The following SPIRE2 variants were observed in gnomAD, a reference collection of about 807,000 sequenced individuals.
SPIRE2 encodes spire type actin nucleation factor 2.
Under a neutral mutation model 80.7 loss-of-function variants are expected in SPIRE2, and 76 were observed. That is an observed-to-expected ratio of 0.94 (90% CI 0.78 to 1.14). SPIRE2 has a LOEUF of 1.14. Ranked by LOEUF, SPIRE2 falls within the 50% of genes most tolerant of loss-of-function variation. The pLI, the probability that SPIRE2 is intolerant of heterozygous loss-of-function variation, is 0.00. For missense variants in SPIRE2, 1,196 were observed against 1,015.3 expected (o/e 1.18, Z -2.42); for synonymous variants, 535 against 432.6 (o/e 1.24, Z -2.94).
intron 1 of SPIRE2, among the ~76,000 whole-genome samples, chr16:89,829,513 G>C (rs1040091558): frequency 6.6e-6 from 1 of 152,234 alleles, no homozygotes; most frequent in Non-Finnish European, 1.5e-5. Context: ...TACCCTGCCG[G>C]GGGGCAGAGG....
intron 1 of SPIRE2, among the ~76,000 whole-genome samples, chr16:89,838,401 C>A (rs2049297563): frequency 6.6e-6 from 1 of 152,050 alleles, no homozygotes; most frequent in South Asian, 2.1e-4. Context: ...CCAGGCTGGT[C>A]TTGAACCCCT....
At chr16:89,846,811 T>TC (rs34310111) in intron 2 of SPIRE2, 9 of 15,160 alleles carry the variant, frequency 5.9e-4, no homozygotes, top group African/African-American at 4.7e-3. Flanking sequence ...ACGCCCAGCC[T>TC]TTTTTTTTTT....
rs1240261380 is a variant in SPIRE2 at position 89,854,802 on chromosome 16, T to C, written c.891+151T>C. The C allele has an allele frequency of 6.4e-5, 51 of 795,700 alleles. No homozygotes were observed. The Admixed American group carries it at 1.0e-3, about 16-fold the overall frequency. The allele number at this position is 795,700 out of a possible 1,614,324, so 49.3% of individuals were successfully genotyped here. ...GTGCTGGGTACTGGGTCATAAAATA[T>C]GGATTAGGGAGATGTGGTCCCAATT... is the stretch of plus-strand genomic sequence containing the variant. On this transcript the variant is annotated intron_variant, in intron 5 of 14. Transcript: ENST00000378247.
rs1383865937 is a variant in SPIRE2, at chr16:89,863,725, T to G, written c.1711-69T>G. 44 of 1,602,212 alleles carry G rather than the reference T, an allele frequency of 2.7e-5. No individual in the cohort carries two copies. The highest frequency in any genetic ancestry group is 3.6e-5 in the Non-Finnish European group (42 of 1,169,568). The stretch of plus-strand genomic sequence containing the variant: ...GATCTGGTTGGGAGCCCTGAGGGGG[T>G]AGCAGGGACAGGGCGGGACCCCAGG... On this transcript the variant is annotated intron_variant, in intron 11 of 14. Transcript: ENST00000378247. This position sits in a 1 kb window ranked among gnomAD's most constrained non-coding sequence, Gnocchi z 4.3.
At chr16:89,843,342 G>T (rs2041521327) in intron 1 of SPIRE2, among the ~76,000 whole-genome samples, 1 of 152,106 alleles carries the variant, frequency 6.6e-6, no homozygotes, top group Non-Finnish European at 1.5e-5. Context: ...CAAAAGGCAG[G>T]TTCGCTCCCG....
intron 3 of SPIRE2, 59 bp downstream of exon 3, chr16:89,850,719 G>C: frequency 8.4e-7 from 1 of 1,196,972 alleles, no homozygotes; most frequent in Non-Finnish European, 1.1e-6. Flanking sequence ...GGGAGCAGTG[G>C]GTGGGAGGGG....
chr16:89,832,328 G>C (rs1048959728), intron 1 of SPIRE2, among the ~76,000 whole-genome samples: 1 of 152,382 alleles, frequency 6.6e-6, no homozygotes, highest in Admixed American at 6.5e-5. Context: ...GGACTGTCTG[G>C]TGAGCTTGCC....
rs559014238 is a variant in SPIRE2, at chr16:89,850,501, C to G, written c.486C>G (p.Pro162=). The G allele has an allele frequency of 6.5e-7, 1 of 1,527,308 alleles. No individual in the cohort carries two copies. Among genetic ancestry groups the G allele is most frequent in the Admixed American group, 2.0e-5 (1 of 50,112 alleles). 94.6% of individuals were successfully genotyped at this position (1,527,308 alleles called of 1,614,324 possible). ...AGGAGGAGGAGGCCGAGGGCGTCCC[C>G]CGCAGCGTGCGCACCTTTGCCCAGG... ...PEEEEEAEGV[P]RSVRTFAQAM... The change falls in exon 3 of 15, where the codon CCC becomes CCG. Residue 162 remains proline (P), a synonymous_variant. Coordinates refer to ENST00000378247, the MANE Select transcript of SPIRE2 (RefSeq NM_032451.2).
chr16:89,865,393 A>C (rs1406016341), intron 12 of SPIRE2, among the ~76,000 whole-genome samples: 1 of 152,330 alleles, frequency 6.6e-6, no homozygotes, highest in East Asian at 1.9e-4. Context: ...TACAAATATT[A>C]CTTAAAGGTA....
At chr16:89,842,059 C>T (rs1431035196) in intron 1 of SPIRE2, among the ~76,000 whole-genome samples, 1 of 151,698 alleles carries the variant, frequency 6.6e-6, no homozygotes, top group Non-Finnish European at 1.5e-5. Context: ...AGTTTTATAA[C>T]ATCTGAGTTT....
In SPIRE2 at chr16:89,849,854, T is replaced by C. The variant is rs1669276337; in HGVS notation, c.289-450T>C. 1.9e-5 allele frequency: 5 copies of C among 266,774 alleles called. 1 individual carries two copies. Among genetic ancestry groups the C allele is most frequent in the South Asian group, 1.8e-4 (5 of 28,078 alleles). The allele number at this position is 266,774 out of a possible 1,614,324, so 16.5% of individuals were successfully genotyped here. A position where few individuals can be genotyped will look rare whatever the true frequency, so the allele number is the denominator to read the frequency against. On this transcript the variant is annotated intron_variant, in intron 2 of 14. Transcript: ENST00000378247. ...CTTTTAAAAAAACTTCTTTTTTTTTTTGAGACAGAGTCTTGCTTTGTCACC... is the reference window on the plus strand; with the variant it reads ...CTTTTAAAAAAACTTCTTTTTTTTTCTGAGACAGAGTCTTGCTTTGTCACC...
At chr16:89,840,364 C>G (rs1399385517) in intron 1 of SPIRE2, among the ~76,000 whole-genome samples, 1 of 149,476 alleles carries the variant, frequency 6.7e-6, no homozygotes, top group Non-Finnish European at 1.5e-5. Context: ...ATTCTCCTGT[C>G]TCAGCCTCCC....
chr16:89,865,602 G>A (rs966227837), intron 12 of SPIRE2, among the ~76,000 whole-genome samples: 2 of 152,138 alleles, frequency 1.3e-5, no homozygotes, highest in Non-Finnish European at 2.9e-5. Context: ...AAACACAACT[G>A]TATCTCGCAT....
chr16:89,838,143 G>A (rs1036022445), intron 1 of SPIRE2, among the ~76,000 whole-genome samples: 1 of 149,364 alleles, frequency 6.7e-6, no homozygotes, highest in South Asian at 2.1e-4. Flanking sequence ...GGGACCACAG[G>A]CACACACCAC....
At position 89,858,336 on chromosome 16, in the gene SPIRE2, AG is replaced by A; in HGVS notation, c.1104del. The stretch of plus-strand genomic sequence containing the variant: ...GTCCTGCCTCGGCTCCCGTCTCCCC[AG>A]GGTTTGGCTCTCTGCCCTGCATCCT... On this transcript the variant is annotated splice_acceptor_variant, in intron 7 of 14. Coordinates refer to ENST00000378247, the MANE Select transcript of SPIRE2 (RefSeq NM_032451.2). LOFTEE classifies it high-confidence loss of function. 6.3e-7 allele frequency: 1 copy of A among 1,588,060 alleles called. No homozygotes were observed. Among genetic ancestry groups the A allele is most frequent in the Non-Finnish European group, 8.6e-7 (1 of 1,167,386 alleles).
At chr16:89,859,654 G>GT (rs1457867185) in intron 9 of SPIRE2, among the ~76,000 whole-genome samples, 3 of 152,188 alleles carry the variant, frequency 2.0e-5, no homozygotes, top group Non-Finnish European at 4.4e-5. Context: ...AACTAGATGA[G>GT]TGATAGACCC....
intron 9 of SPIRE2, 61 bp downstream of exon 9, chr16:89,859,415 C>A: frequency 2.7e-6 from 3 of 1,107,246 alleles, no homozygotes; most frequent in Non-Finnish European, 3.6e-6. Flanking sequence ...ATCCTGTGGG[C>A]ACCATCCCTC....
chr16:89,834,223 C>G (rs1319765855), intron 1 of SPIRE2, among the ~76,000 whole-genome samples: 1 of 135,082 alleles, frequency 7.4e-6, no homozygotes, highest in African/African-American at 2.6e-5. Flanking sequence ...TGCCTGTGCT[C>G]ACGGTTGGCC....
rs2041616765 is a variant in SPIRE2, at chr16:89,850,666, C to T, written c.645+6C>T. The T allele has an allele frequency of 2.7e-6, 3 of 1,127,754 alleles. No homozygotes were observed. The highest frequency in any genetic ancestry group is 3.4e-6 in the Non-Finnish European group (3 of 882,990). The allele number at this position is 1,127,754 out of a possible 1,614,324, so 69.9% of individuals were successfully genotyped here. On this transcript the variant is annotated splice_donor_region_variant and intron_variant, in intron 3 of 14. Transcript: ENST00000378247. ...GGGTCCGGGAGGCCAAGGAGGTGAG[C>T]GGTGGGTGGGGGCGACCGTGGAGGG...
Sources: allele counts gnomAD v4.1 joint callset (sites outside exome capture counted in the v4.1 genomes callset), GRCh38; gene constraint gnomAD v4.1.1; non-coding constraint Gnocchi (gnomAD v3.1); transcripts MANE v1.5; gene names NCBI Gene and HGNC (gene_info 2026-07-23, HGNC 2026-07-21).